The following ADRA1D variants were observed in gnomAD, a reference collection of about 807,000 sequenced individuals.
ADRA1D encodes adrenoceptor alpha 1D.
In ADRA1D, 22 loss-of-function variants were observed where a neutral mutation model predicts 18.6. The observed-to-expected ratio is 1.19, with a 90% CI of 0.85 to 1.69. The LOEUF (loss-of-function observed/expected upper bound fraction) is 1.69. Ranked by LOEUF, ADRA1D falls within the 40% of genes most tolerant of loss-of-function variation. The probability of loss-of-function intolerance (pLI) is 0.00; values close to 1 mark genes in which losing one functional copy is unlikely to be tolerated. For missense variants in ADRA1D, 840 were observed against 840.7 expected (o/e 1.00, Z 0.01); for synonymous variants, 376 against 388.2 (o/e 0.97, Z 0.37).
rs1242562241 is a variant in ADRA1D, at chr20:4,248,734, G to C, written c.224C>G (p.Ala75Gly). 1 of 1,539,200 alleles carries C rather than the reference G, an allele frequency of 6.5e-7. No individual in the cohort carries two copies. The highest frequency in any genetic ancestry group is 8.8e-7 in the Non-Finnish European group (1 of 1,142,026). Residue 75 changes from alanine to glycine, a missense_variant, in exon 1 of 2, where the codon GCG (alanine) becomes GGG (glycine). Ala to Gly is a moderately conservative substitution (Grantham distance 60, BLOSUM62 0). Coordinates refer to ENST00000379453, the MANE Select transcript of ADRA1D (RefSeq NM_000678.4). Reference protein sequence around the residue: ...NRSSAGEPGSAGAGGDVNGTA... With the variant: ...NRSSAGEPGSGGAGGDVNGTA... ...GCCATTCACGTCGCCGCCCGCGCCC[G>C]CGCTCCCCGGCTCCCCCGCGGAGCT...
chr20:4,221,495 C>T lies in ADRA1D; in HGVS notation c.*28G>A. 6.3e-7 allele frequency: 1 copy of T among 1,584,276 alleles called. No individual in the cohort carries two copies. The highest frequency in any genetic ancestry group is 8.6e-7 in the Non-Finnish European group (1 of 1,160,488). ...TGGTCCCCCTTACCCCCAAGCCCAG[C>T]ACACTCCGCGGCCTAGCTCTGGGGT... On this transcript the variant is annotated 3_prime_UTR_variant, in exon 2 of 2. Transcript: ENST00000379453.
At chr20:4,241,213 T>C (rs1981203890) in intron 1 of ADRA1D, among the ~76,000 whole-genome samples, 1 of 152,092 alleles carries the variant, frequency 6.6e-6, no homozygotes, top group Non-Finnish European at 1.5e-5. Flanking sequence ...ATGCGTAGAC[T>C]CAAAGAGTGG....
Position 4,248,892 on chromosome 20 carries a change from G to T in ADRA1D, c.66C>A (p.Gly22=). 8.3e-7 allele frequency: 1 copy of T among 1,199,160 alleles called. No homozygotes were observed. Among genetic ancestry groups the T allele is most frequent in the Non-Finnish European group, 1.0e-6 (1 of 961,798 alleles). 74.3% of individuals were successfully genotyped at this position (1,199,160 alleles called of 1,614,324 possible). A position where few individuals can be genotyped will look rare whatever the true frequency, so the allele number is the denominator to read the frequency against. ...EGPRPDSSAG[G]SSAGGGGGSA... ...TGCCCCCGCCGCCGCCCGCGCTGGA[G>T]CCCCCTGCGCTGCTGTCCGGGCGGG... The change falls in exon 1 of 2, where the codon GGC becomes GGA. Residue 22 remains glycine (G), a synonymous_variant. Coordinates refer to ENST00000379453, the MANE Select transcript of ADRA1D (RefSeq NM_000678.4).
chr20:4,227,498 A>G (rs2122657819), intron 1 of ADRA1D, among the ~76,000 whole-genome samples: 1 of 151,846 alleles, frequency 6.6e-6, no homozygotes, highest in East Asian at 1.9e-4. Flanking sequence ...TAGGTACCTG[A>G]TACATTCTTG....
At chr20:4,238,871 C>T (rs1487891737) in intron 1 of ADRA1D, among the ~76,000 whole-genome samples, 1 of 151,960 alleles carries the variant, frequency 6.6e-6, no homozygotes, top group African/African-American at 2.4e-5. Context: ...TTAAAGACGG[C>T]AAGAGAGGAT....
intron 1 of ADRA1D, among the ~76,000 whole-genome samples, chr20:4,233,914 C>G (rs750740791): frequency 1.3e-5 from 2 of 152,222 alleles, no homozygotes; most frequent in Non-Finnish European, 2.9e-5. Flanking sequence ...TTCTTGTTCT[C>G]CCATGTGCTG....
Position 4,233,197 on chromosome 20 carries a change from C to T in ADRA1D, c.1112-11067G>A, listed in dbSNP as rs371538625. ...CATCCAGGCTGGGTGTGGTGGCTCA[C>T]GCATATAAATCCCAGCACTTTGGGA... is the stretch of plus-strand genomic sequence containing the variant. On this transcript the variant is annotated intron_variant, in intron 1 of 1. Coordinates refer to ENST00000379453, the MANE Select transcript of ADRA1D (RefSeq NM_000678.4). Among the ~76,000 whole-genome samples, 62 of 152,052 alleles carry T rather than the reference C, an allele frequency of 4.1e-4. 1 individual carries two copies. The East Asian group carries it at 4.6e-3, about 11-fold the overall frequency.
chr20:4,221,557 G>C lies in ADRA1D; in HGVS notation c.1685C>G (p.Ala562Gly), dbSNP rs147522815. ...GGTCTCCCGTAGGTTGCTGTAGTCG[G>C]CCAATTCGTAGGCCTGGCAGGTGGC... The part of the protein sequence containing the change: ...EGATCQAYEL[A>G]DYSNLRETDI The change falls in exon 2 of 2, where the codon GCC becomes GGC. Residue 562 changes from alanine (A) to glycine (G), a missense_variant. Coordinates refer to ENST00000379453, the MANE Select transcript of ADRA1D (RefSeq NM_000678.4). 111 of 1,611,826 alleles carry C rather than the reference G, an allele frequency of 6.9e-5. No individual in the cohort carries two copies. Among genetic ancestry groups the C allele is most frequent in the Non-Finnish European group, 9.2e-5 (108 of 1,178,538 alleles).
intron 1 of ADRA1D, among the ~76,000 whole-genome samples, chr20:4,225,585 C>T (rs1980778322): frequency 6.6e-6 from 1 of 151,722 alleles, no homozygotes; most frequent in African/African-American, 2.4e-5. Flanking sequence ...TCATATTCGG[C>T]TACTTTTTGT....
Position 4,248,113 on chromosome 20 carries a change from C to A in ADRA1D, c.845G>T (p.Arg282Leu). 3 of 1,560,308 alleles carry A rather than the reference C, an allele frequency of 1.9e-6. No individual in the cohort carries two copies. The highest frequency in any genetic ancestry group is 2.6e-6 in the Non-Finnish European group (3 of 1,152,368). ...VMYCRVYVVA[R>L]STTRSLEAGV... ...CGCCTCGAGGCTGCGCGTGGTGCTG[C>A]GCGCGACCACGTACACGCGGCAGTA... Residue 282 changes from arginine to leucine, a missense_variant, in exon 1 of 2, where the codon CGC (arginine) becomes CTC (leucine). Physicochemically the swap from Arg to Leu is moderately radical, Grantham distance 102 (BLOSUM62 -2). Coordinates refer to ENST00000379453, the MANE Select transcript of ADRA1D (RefSeq NM_000678.4).
chr20:4,244,351 G>A (rs1188806221), intron 1 of ADRA1D, among the ~76,000 whole-genome samples: 1 of 152,160 alleles, frequency 6.6e-6, no homozygotes, highest in African/African-American at 2.4e-5. Flanking sequence ...GAGGAGGCAG[G>A]TGCCACCTCA....
chr20:4,232,818 T>A (rs1344166581), intron 1 of ADRA1D, among the ~76,000 whole-genome samples: 1 of 152,170 alleles, frequency 6.6e-6, no homozygotes, highest in East Asian at 1.9e-4. Context: ...CTGCAGCCAA[T>A]GACAGACTGA....
At position 4,222,397 on chromosome 20, in the gene ADRA1D, T is replaced by G. The variant is rs1394232442; in HGVS notation, c.1112-267A>C. 5 of 340,922 alleles carry G rather than the reference T, an allele frequency of 1.5e-5. No homozygotes were observed. The highest frequency in any genetic ancestry group is 5.2e-5 in the East Asian group (1 of 19,218). 21.1% of individuals were successfully genotyped at this position (340,922 alleles called of 1,614,324 possible). ...TAGAGTTAGACAAAACCACGTGCAA[T>G]TGCTGTTTTTGTAGCTCAAAACCGG... On this transcript the variant is annotated intron_variant, in intron 1 of 1. Coordinates refer to ENST00000379453, the MANE Select transcript of ADRA1D (RefSeq NM_000678.4). This position sits in a 1 kb window ranked among gnomAD's most constrained non-coding sequence, Gnocchi z 4.3.
At position 4,248,719 on chromosome 20, in the gene ADRA1D, T is replaced by G; in HGVS notation, c.239A>C (p.Asp80Ala). ...GEPGSAGAGG[D>A]VNGTAAVGGL... ...CCCGACGGCCGCCGTGCCATTCACG[T>G]CGCCGCCCGCGCCCGCGCTCCCCGG... The change falls in exon 1 of 2, where the codon GAC becomes GCC. Residue 80 changes from aspartate to alanine, a missense_variant. Asp to Ala is a moderately radical substitution (Grantham distance 126). Coordinates refer to ENST00000379453, the MANE Select transcript of ADRA1D (RefSeq NM_000678.4). 1 of 1,555,636 alleles carries G rather than the reference T, an allele frequency of 6.4e-7. No homozygotes were observed. The highest frequency in any genetic ancestry group is 8.7e-7 in the Non-Finnish European group (1 of 1,150,646).
Position 4,221,847 on chromosome 20 carries a change from G to A in ADRA1D, c.1395C>T (p.Thr465=). 6.7e-7 allele frequency: 1 copy of A among 1,483,354 alleles called. No homozygotes were observed. Among genetic ancestry groups the A allele is most frequent in the South Asian group, 1.3e-5 (1 of 75,720 alleles). 91.9% of individuals were successfully genotyped at this position (1,483,354 alleles called of 1,614,324 possible). Residue 465 remains threonine, a synonymous_variant, in exon 2 of 2, where the codon ACC becomes ACT. Coordinates refer to ENST00000379453, the MANE Select transcript of ADRA1D (RefSeq NM_000678.4). ...DAPPGAPLAL[T]ALPDPDPEPP... is the part of the protein sequence containing the mutation. ...GTTCGGGGTCGGGGTCGGGGAGCGC[G>A]GTGAGGGCCAGCGGCGCTCCGGGGG...
Position 4,248,995 on chromosome 20 carries a change from G to T in ADRA1D, c.-38C>A. 7.8e-7 allele frequency: 1 copy of T among 1,277,448 alleles called. No individual in the cohort carries two copies. The highest frequency in any genetic ancestry group is 1.6e-5 in the South Asian group (1 of 62,984). 79.1% of individuals were successfully genotyped at this position (1,277,448 alleles called of 1,614,324 possible). ...CCGTCGGTGGCCGGGCCGGGGCACA[G>T]AACGAGCGGCCGGCAGGGAGGGGAG... On this transcript the variant is annotated 5_prime_UTR_variant, in exon 1 of 2. The change creates a new upstream start codon in the 5' untranslated region. Transcript: ENST00000379453.
At chr20:4,223,738 G>A (rs968601154) in intron 1 of ADRA1D, among the ~76,000 whole-genome samples, 2 of 152,130 alleles carry the variant, frequency 1.3e-5, no homozygotes, top group African/African-American at 4.8e-5. Context: ...CATGAGATAT[G>A]CAACACTTTA....
At chr20:4,237,123 C>T (rs1214754285) in intron 1 of ADRA1D, among the ~76,000 whole-genome samples, 1 of 151,710 alleles carries the variant, frequency 6.6e-6, no homozygotes, top group Non-Finnish European at 1.5e-5. Flanking sequence ...AGAGGGGTCT[C>T]CGAGGAAGGC....
chr20:4,248,747 C>T lies in ADRA1D; in HGVS notation c.211G>A (p.Glu71Lys). The change falls in exon 1 of 2, where the codon GAG becomes AAG. Residue 71 changes from glutamate to lysine, a missense_variant. Glu to Lys is a moderately conservative substitution (Grantham distance 56). Transcript: ENST00000379453. ...SGEDNRSSAGEPGSAGAGGDV... is the reference protein window; with the variant it reads ...SGEDNRSSAGKPGSAGAGGDV... ...CCGCCCGCGCCCGCGCTCCCCGGCT[C>T]CCCCGCGGAGCTCCGGTTGTCCTCG... 6.6e-7 allele frequency: 1 copy of T among 1,520,372 alleles called. No homozygotes were observed. The highest frequency in any genetic ancestry group is 1.2e-5 in the South Asian group (1 of 80,072). 94.2% of individuals were successfully genotyped at this position (1,520,372 alleles called of 1,614,324 possible).
Sources: gnomAD v4.1 joint callset for allele counts (sites outside exome capture counted in the v4.1 genomes callset) on GRCh38, gnomAD v4.1.1 for gene constraint, Gnocchi (gnomAD v3.1) non-coding constraint, MANE v1.5 for transcripts, NCBI Gene and HGNC (gene_info 2026-07-23, HGNC 2026-07-21) for gene names.